The following PTPRN2 variants were observed in gnomAD, a reference collection of about 807,000 sequenced individuals.
PTPRN2 encodes the protein protein tyrosine phosphatase receptor type N2, also known as receptor-type tyrosine-protein phosphatase N2.
Under a neutral mutation model 118.8 loss-of-function variants are expected in PTPRN2, and 74 were observed. The observed-to-expected ratio is 0.62, with a 90% confidence interval of 0.52 to 0.76. The LOEUF is 0.76. PTPRN2 is among the 30% of genes least tolerant of loss of function. PTPRN2 has a pLI of 0.00. For synonymous variants in PTPRN2, 641 were observed against 608.0 expected (o/e 1.05, Z -0.80); for missense variants, 1,481 against 1,394.4 (o/e 1.06, Z -0.99).
intron 3 of PTPRN2, among the ~76,000 whole-genome samples, chr7:158,260,044 TAC>T (rs1341625555): frequency 7.0e-6 from 1 of 141,914 alleles, no homozygotes; most frequent in African/African-American, 2.5e-5. Flanking sequence ...CGTTTGTGTG[TAC>T]ATGTGTGTGC....
rs988706602 is a variant in PTPRN2 at position 157,903,150 on chromosome 7, C to T, written c.1724-4413G>A. ...CCACACGCTGCCACACACTCTCGCACGGAAGTGGGAACTACACTCATCAGA... is the reference window on the plus strand; with the variant it reads ...CCACACGCTGCCACACACTCTCGCATGGAAGTGGGAACTACACTCATCAGA... On this transcript the variant is annotated intron_variant, in intron 11 of 22. Coordinates refer to ENST00000389418, the MANE Select transcript of PTPRN2 (RefSeq NM_002847.5). This position sits in a 1 kb window ranked among gnomAD's most constrained non-coding sequence, Gnocchi z 4.2. Among the ~76,000 whole-genome samples, 4 of 152,182 alleles carry T rather than the reference C, an allele frequency of 2.6e-5. No individual in the cohort carries two copies. Among genetic ancestry groups the T allele is most frequent in the Admixed American group, 6.5e-5 (1 of 15,284 alleles).
At chr7:158,568,248 C>CTAA (rs746617021) in intron 1 of PTPRN2, among the ~76,000 whole-genome samples, 2 of 151,910 alleles carry the variant, frequency 1.3e-5, no homozygotes, top group African/African-American at 4.8e-5. Flanking sequence ...GAGACTCTGT[C>CTAA]TAATAATAAT....
chr7:157,844,364 A>G (rs1193691676), intron 12 of PTPRN2, among the ~76,000 whole-genome samples: 1 of 152,248 alleles, frequency 6.6e-6, no homozygotes, highest in East Asian at 1.9e-4. Flanking sequence ...AGGCAGCTGA[A>G]GGCCTGGGCA....
intron 6 of PTPRN2, among the ~76,000 whole-genome samples, chr7:158,150,635 C>T (rs984444935): frequency 2.0e-5 from 3 of 151,554 alleles, no homozygotes; most frequent in African/African-American, 7.3e-5. Flanking sequence ...ATCTCCTGCC[C>T]CTCTAATTCC....
rs182400747 is a variant in PTPRN2 at position 158,037,429 on chromosome 7, C to T, written c.1723+43869G>A. Among the ~76,000 whole-genome samples the T allele has an allele frequency of 8.9e-4, 136 of 152,324 alleles. 1 individual carries two copies. Among genetic ancestry groups the T allele is most frequent in the African/African-American group, 2.6e-3 (109 of 41,574 alleles). On this transcript the variant is annotated intron_variant, in intron 11 of 22. Transcript: ENST00000389418. ...GCCCACTGCACACCCACAACCTGCA[C>T]GGCATATCACTGTACTGAGTGCTGT...
chr7:158,342,561 A>C (rs545099100), intron 2 of PTPRN2, among the ~76,000 whole-genome samples: 20 of 145,196 alleles, frequency 1.4e-4, no homozygotes, highest in Non-Finnish European at 2.3e-4. Flanking sequence ...TCTCACCATA[A>C]GAGCTGACAC....
chr7:158,261,120 C>T (rs1001448676), intron 3 of PTPRN2, among the ~76,000 whole-genome samples: 6 of 152,160 alleles, frequency 3.9e-5, no homozygotes, highest in Admixed American at 3.3e-4. Context: ...TCAGCGTCAG[C>T]AACAGTGCCC....
rs1426726708 is a variant in PTPRN2, at chr7:157,953,697, G to A, written c.1724-54960C>T. On this transcript the variant is annotated intron_variant, in intron 11 of 22. Transcript: ENST00000389418. This position sits in a 1 kb window ranked among gnomAD's most constrained non-coding sequence, Gnocchi z 4.6. ...CAGAGCTGCATCATCAGAGCAGTTGGGGGACAGGAGGGCCAAGTCTGAGGA... is the reference window on the plus strand; with the variant it reads ...CAGAGCTGCATCATCAGAGCAGTTGAGGGACAGGAGGGCCAAGTCTGAGGA... Among the ~76,000 whole-genome samples the A allele has an allele frequency of 5.9e-5, 9 of 152,056 alleles. No individual in the cohort carries two copies. Among genetic ancestry groups the A allele is most frequent in the Non-Finnish European group, 1.3e-4 (9 of 68,004 alleles).
At chr7:158,462,642 C>G (rs549515495) in intron 2 of PTPRN2, among the ~76,000 whole-genome samples, 50 of 152,304 alleles carry the variant, frequency 3.3e-4, no homozygotes, top group African/African-American at 1.2e-3. Flanking sequence ...AATTCCTCTC[C>G]CCTCCTTCCA....
chr7:157,963,563 G>A (rs552338097), intron 11 of PTPRN2, among the ~76,000 whole-genome samples: 4 of 152,234 alleles, frequency 2.6e-5, no homozygotes, highest in Non-Finnish European at 5.9e-5. Flanking sequence ...TACTTCACAC[G>A]TTCTCTGAGA....
chr7:158,573,881 T>C (rs1336564814), intron 1 of PTPRN2, among the ~76,000 whole-genome samples: 3 of 152,210 alleles, frequency 2.0e-5, no homozygotes, highest in African/African-American at 4.8e-5. Flanking sequence ...TCTCAAACTA[T>C]GCTGCAATTT....
intron 3 of PTPRN2, among the ~76,000 whole-genome samples, chr7:158,263,093 TCA>T (rs1418101000): frequency 2.6e-5 from 3 of 117,530 alleles, no homozygotes; most frequent in Non-Finnish European, 3.5e-5. Flanking sequence ...CCACACACAT[TCA>T]CACACTGCAC....
chr7:158,306,020 T>C (rs531917468), intron 3 of PTPRN2, among the ~76,000 whole-genome samples: 14 of 152,298 alleles, frequency 9.2e-5, no homozygotes, highest in South Asian at 2.1e-4. Context: ...TCCCAGAGAA[T>C]TGTCACTACT....
intron 3 of PTPRN2, among the ~76,000 whole-genome samples, chr7:158,245,999 C>T (rs1796224230): frequency 6.6e-6 from 1 of 151,952 alleles, no homozygotes; most frequent in South Asian, 2.1e-4. Context: ...TTGGCAGCAG[C>T]GAGACCGTCA....
At chr7:158,146,853 T>C (rs746492360) in intron 6 of PTPRN2, among the ~76,000 whole-genome samples, 3 of 151,918 alleles carry the variant, frequency 2.0e-5, no homozygotes, top group East Asian at 1.9e-4. Flanking sequence ...ACTTGACCAA[T>C]GGATAGAACA....
At chr7:158,338,055 G>A (rs866521451) in intron 2 of PTPRN2, among the ~76,000 whole-genome samples, 1 of 6,548 alleles carries the variant, frequency 1.5e-4, no homozygotes, top group African/African-American at 3.0e-4. Flanking sequence ...CATAAGAGGT[G>A]ACACCTGCAG....
intron 2 of PTPRN2, among the ~76,000 whole-genome samples, chr7:158,326,578 G>A (rs13221388): frequency 0.39 from 59,620 of 151,080 alleles, 11,966 homozygotes; most frequent in Middle Eastern, 0.47. Context: ...TCACATACAC[G>A]TCCTCACACA....
At position 158,499,272 on chromosome 7, in the gene PTPRN2, G is replaced by A. The variant is rs138662011; in HGVS notation, c.113-9487C>T. Among the ~76,000 whole-genome samples the A allele has an allele frequency of 1.9e-3, 282 of 152,232 alleles. 7 individuals are homozygous for A. In the East Asian group the frequency reaches 0.034, roughly 18 times the overall value. On this transcript the variant is annotated intron_variant, in intron 1 of 22. Coordinates refer to ENST00000389418, the MANE Select transcript of PTPRN2 (RefSeq NM_002847.5). Reference sequence around the variant, plus strand: ...TATTTCTATTCCCTGGGCCTGGGACGGAGCCAAAGATTCAGCATTTCCAAA... The same window carrying A: ...TATTTCTATTCCCTGGGCCTGGGACAGAGCCAAAGATTCAGCATTTCCAAA...
chr7:158,484,998 C>A (rs890464074), intron 2 of PTPRN2, among the ~76,000 whole-genome samples: 4 of 152,180 alleles, frequency 2.6e-5, no homozygotes, highest in African/African-American at 9.6e-5. Flanking sequence ...GGGCACCCCT[C>A]CCAGCCGCTG....
Sources: gnomAD v4.1 joint callset for allele counts (sites outside exome capture counted in the v4.1 genomes callset) on GRCh38, gnomAD v4.1.1 for gene constraint, Gnocchi (gnomAD v3.1) non-coding constraint, MANE v1.5 for transcripts, NCBI Gene and HGNC (gene_info 2026-07-23, HGNC 2026-07-21) for gene names.